GLIS1: variants seen among roughly 807,000 people sequenced by gnomAD.
GLIS1 encodes the protein GLIS family zinc finger 1.
GLIS1 carries 24 observed loss-of-function variants against 63.8 expected under a neutral mutation model. The ratio of observed to expected loss-of-function variants is 0.38; its 90% CI spans 0.27 to 0.53. The LOEUF (loss-of-function observed/expected upper bound fraction) is 0.53. GLIS1 is among the 20% of genes least tolerant of loss of function. GLIS1 has a pLI of 0.85. For missense variants in GLIS1, 1,036 were observed against 1,074.1 expected, an observed-to-expected ratio of 0.96 and a Z score of 0.50; for synonymous variants, 450 against 482.5, an observed-to-expected ratio of 0.93 and a Z score of 0.88.
chr1:53,673,939 A>T lies in GLIS1; in HGVS notation c.259+63867T>A, dbSNP rs539062733. Among the ~76,000 whole-genome samples the T allele has an allele frequency of 2.0e-5, 3 of 152,270 alleles. No homozygotes were observed. In the South Asian group the frequency reaches 6.2e-4, roughly 32 times the overall value. Reference sequence around the variant, plus strand: ...GTAATCCCAGCACTTTGGGAGGCCGAGGTGGTCGGATGACTTGAGGTCAGG... The same window carrying T: ...GTAATCCCAGCACTTTGGGAGGCCGTGGTGGTCGGATGACTTGAGGTCAGG... On this transcript the variant is annotated intron_variant, in intron 2 of 10. Transcript: ENST00000628545.
chr1:53,583,315 T>C (rs1054551309), intron 4 of GLIS1, among the ~76,000 whole-genome samples: 1 of 152,210 alleles, frequency 6.6e-6, no homozygotes, highest in African/African-American at 2.4e-5. Flanking sequence ...GGCCTGACTG[T>C]TCCCCAGGAA....
At chr1:53,566,737 TTC>T (rs755616416) in intron 4 of GLIS1, among the ~76,000 whole-genome samples, 38 of 152,194 alleles carry the variant, frequency 2.5e-4, no homozygotes, top group Admixed American at 5.9e-4. Context: ...CACCTCCACC[TTC>T]TCTCTCTCTT....
Position 53,598,618 on chromosome 1 carries a change from A to C in GLIS1, c.437+1483T>G, listed in dbSNP as rs1261667752. ...CGACAAGGCGGTCATCTGCGAGCTA[A>C]GGAGAGAGGCCTCAGAAGAAACCAA... On this transcript the variant is annotated intron_variant, in intron 3 of 10. Coordinates refer to ENST00000628545, the MANE Select transcript of GLIS1 (RefSeq NM_001367484.1). The surrounding 1 kb of genome is among the most constrained non-coding windows in gnomAD (Gnocchi z 4.6). 6.6e-6 allele frequency among the ~76,000 whole-genome samples: 1 copy of C among 152,168 alleles called. No homozygotes were observed. The highest frequency in any genetic ancestry group is 1.5e-5 in the Non-Finnish European group (1 of 68,038).
intron 2 of GLIS1, among the ~76,000 whole-genome samples, chr1:53,727,759 C>G (rs1646819995): frequency 6.6e-6 from 1 of 152,186 alleles, no homozygotes; most frequent in Non-Finnish European, 1.5e-5. Flanking sequence ...GGAGACTCCC[C>G]CAGGGTCACT....
At chr1:53,529,391 G>T (rs918320987) in intron 5 of GLIS1, among the ~76,000 whole-genome samples, 13 of 152,210 alleles carry the variant, frequency 8.5e-5, no homozygotes, top group Non-Finnish European at 7.3e-5. Flanking sequence ...CTCTGGCGTG[G>T]CTGACAGGTT....
intron 4 of GLIS1, among the ~76,000 whole-genome samples, chr1:53,581,076 C>T (rs533379353): frequency 1.3e-5 from 2 of 152,290 alleles, no homozygotes; most frequent in South Asian, 2.1e-4. Flanking sequence ...TGTTTCCAGT[C>T]GCAGCAGATG....
rs1056599122 is a variant in GLIS1 at position 53,539,275 on chromosome 1, C to A, written c.1321-9323G>T. The stretch of plus-strand genomic sequence containing the variant: ...ACACACACACACCAAGACCCAGAAA[C>A]TCCCTCACACACACACACACACACT... On this transcript the variant is annotated intron_variant, in intron 4 of 10. Coordinates refer to ENST00000628545, the MANE Select transcript of GLIS1 (RefSeq NM_001367484.1). This position sits in a 1 kb window ranked among gnomAD's most constrained non-coding sequence, Gnocchi z 5.0. 1.6e-5 allele frequency among the ~76,000 whole-genome samples: 1 copy of A among 63,734 alleles called. No individual in the cohort carries two copies. The highest frequency in any genetic ancestry group is 4.3e-5 in the Non-Finnish European group (1 of 23,408). 41.8% of individuals were successfully genotyped at this position (63,734 alleles called of 152,430 possible).
chr1:53,642,196 T>C (rs1170900434), intron 2 of GLIS1, among the ~76,000 whole-genome samples: 2 of 152,230 alleles, frequency 1.3e-5, no homozygotes, highest in Non-Finnish European at 2.9e-5. Context: ...GCCCATCAAA[T>C]AAATCAGGCT....
chr1:53,578,389 G>A (rs1263158351), intron 4 of GLIS1, among the ~76,000 whole-genome samples: 1 of 152,184 alleles, frequency 6.6e-6, no homozygotes, highest in Non-Finnish European at 1.5e-5. Context: ...TCAAATAATA[G>A]TAGCATAGTT....
chr1:53,629,156 T>C (rs1645626166), intron 2 of GLIS1, among the ~76,000 whole-genome samples: 1 of 152,050 alleles, frequency 6.6e-6, no homozygotes, highest in African/African-American at 2.4e-5. Context: ...TATCTACCCT[T>C]ACCGTGATGT....
intron 2 of GLIS1, among the ~76,000 whole-genome samples, chr1:53,605,666 G>C (rs1645363008): frequency 6.6e-6 from 1 of 152,234 alleles, no homozygotes; most frequent in Non-Finnish European, 1.5e-5. Flanking sequence ...TGGAGCCCCA[G>C]AGCTGCTGAA....
In GLIS1 at chr1:53,509,148, G is replaced by A; in HGVS notation, c.2202C>T (p.His734=). The A allele has an allele frequency of 9.4e-6, 15 of 1,592,462 alleles. No homozygotes were observed. The highest frequency in any genetic ancestry group is 1.3e-5 in the Non-Finnish European group (15 of 1,168,742). Residue 734 remains histidine (H), a synonymous_variant, in exon 10 of 11, where the codon CAC becomes CAT. Coordinates refer to ENST00000628545, the MANE Select transcript of GLIS1 (RefSeq NM_001367484.1). ...TGGCAGGCAAGGGCGTGCTGAGGCT[G>A]TGGTAGCCATTGGGCCGCAGGGGGT... ...GFNPLRPNGY[H]SLSTPLPATG...
At chr1:53,714,737 G>A (rs1646680371) in intron 2 of GLIS1, among the ~76,000 whole-genome samples, 1 of 152,204 alleles carries the variant, frequency 6.6e-6, no homozygotes. Flanking sequence ...GCTCCCTGGG[G>A]AGATGGACAC....
At chr1:53,641,659 T>A (rs564421116) in intron 2 of GLIS1, among the ~76,000 whole-genome samples, 1 of 152,164 alleles carries the variant, frequency 6.6e-6, no homozygotes, top group Admixed American at 6.5e-5. Flanking sequence ...TGATGGAGCC[T>A]TGAATAAACA....
chr1:53,637,237 A>C (rs2100273910), intron 2 of GLIS1, among the ~76,000 whole-genome samples: 1 of 152,186 alleles, frequency 6.6e-6, no homozygotes, highest in Non-Finnish European at 1.5e-5. Flanking sequence ...TGGGGCAAGC[A>C]GGTACCTCAC....
chr1:53,644,194 T>C (rs887656144), intron 2 of GLIS1, among the ~76,000 whole-genome samples: 19 of 152,174 alleles, frequency 1.2e-4, no homozygotes, highest in Non-Finnish European at 2.2e-4. Context: ...GCAGCTAGGC[T>C]GCCGGGTCAC....
intron 4 of GLIS1, among the ~76,000 whole-genome samples, chr1:53,564,110 G>A (rs966829308): frequency 2.0e-5 from 3 of 152,120 alleles, no homozygotes; most frequent in African/African-American, 7.2e-5. Context: ...AGAGCTAAAC[G>A]CACACTGTTT....
chr1:53,665,829 G>A (rs1039550116), intron 2 of GLIS1, among the ~76,000 whole-genome samples: 2 of 152,160 alleles, frequency 1.3e-5, no homozygotes, highest in African/African-American at 4.8e-5. Context: ...ACTGCTGAAA[G>A]GTCAAATACA....
At chr1:53,609,902 T>A (rs1291487498) in intron 2 of GLIS1, among the ~76,000 whole-genome samples, 2 of 152,198 alleles carry the variant, frequency 1.3e-5, no homozygotes, top group Non-Finnish European at 2.9e-5. Flanking sequence ...TACAGCATGG[T>A]ATTGTACTGA....
Sources: allele counts gnomAD v4.1 joint callset (sites outside exome capture counted in the v4.1 genomes callset), GRCh38; gene constraint gnomAD v4.1.1; non-coding constraint Gnocchi (gnomAD v3.1); transcripts MANE v1.5; gene names NCBI Gene and HGNC (gene_info 2026-07-23, HGNC 2026-07-21).